Variants in ROGDI observed in about 807,000 individuals in gnomAD.
ROGDI encodes protein rogdi homolog.
Under a neutral mutation model 43.1 loss-of-function variants are expected in ROGDI, and 46 were observed. The ratio of observed to expected loss-of-function variants is 1.07; its 90% CI spans 0.84 to 1.37. ROGDI has a LOEUF of 1.37. Ranked by LOEUF, ROGDI falls within the 40% of genes most tolerant of loss-of-function variation. ROGDI has a pLI of 0.00. For synonymous variants in ROGDI, 243 were observed against 162.0 expected (o/e 1.50, Z -3.80); for missense variants, 518 against 383.9 (o/e 1.35, Z -2.92).
In ROGDI at chr16:4,797,016, G is replaced by A. The variant is rs1248536542; in HGVS notation, c.*444C>T. The A allele has an allele frequency of 6.1e-6, 1 of 164,194 alleles. No homozygotes were observed. The allele number at this position is 164,194 out of a possible 1,614,324, so 10.2% of individuals were successfully genotyped here. ...TTAGACAGCCCTGGACTGGGGCTAT[G>A]AAACACAGTCACCAGCACTATACTC... is the stretch of plus-strand genomic sequence containing the variant. On this transcript the variant is annotated 3_prime_UTR_variant, in exon 11 of 11. Coordinates refer to ENST00000322048, the MANE Select transcript of ROGDI (RefSeq NM_024589.3).
chr16:4,798,291 C>T, intron 7 of ROGDI, 107 bp from the exon 8 acceptor site: 3 of 920,872 alleles, frequency 3.3e-6, no homozygotes, highest in Admixed American at 2.0e-5. Context: ...CAGTCCCCAC[C>T]CCAGAGATGC....
rs146812127 is a variant in ROGDI, at chr16:4,797,750, G to C, written c.786C>G (p.Thr262=). Residue 262 remains threonine, a synonymous_variant, in exon 10 of 11, where the codon ACC becomes ACG. Transcript: ENST00000322048. ...GCTGCTGGCAGAGCTGCAGGGAGACGGTGAAGTAGACCAGGGCGTCGTTGA... is the reference window on the plus strand; with the variant it reads ...GCTGCTGGCAGAGCTGCAGGGAGACCGTGAAGTAGACCAGGGCGTCGTTGA... The part of the protein sequence containing the change: ...PWLNDALVYF[T]VSLQLCQQLK... 34 of 1,525,846 alleles carry C rather than the reference G, an allele frequency of 2.2e-5. 1 individual carries two copies. The highest frequency in any genetic ancestry group is 2.4e-5 in the Non-Finnish European group (27 of 1,134,106). 94.5% of individuals were successfully genotyped at this position (1,525,846 alleles called of 1,614,324 possible).
intron 6 of ROGDI, among the ~76,000 whole-genome samples, chr16:4,799,290 T>C (rs2082690282): frequency 6.6e-6 from 1 of 152,006 alleles, no homozygotes; most frequent in African/African-American, 2.4e-5. Context: ...GATCTTAGTC[T>C]ATCTGGTTCT....
chr16:4,797,508 G>A lies in ROGDI; in HGVS notation c.823-7C>T. The stretch of plus-strand genomic sequence containing the variant: ...AGCTGGAGAACACGGAGATCTGCAA[G>A]GGGAGAGGGTGCTGTAGGTTGCTGA... On this transcript the variant is annotated splice_region_variant and splice_polypyrimidine_tract_variant and intron_variant, in intron 10 of 10. Coordinates refer to ENST00000322048, the MANE Select transcript of ROGDI (RefSeq NM_024589.3). 6.4e-7 allele frequency: 1 copy of A among 1,558,304 alleles called. No individual in the cohort carries two copies. Among genetic ancestry groups the A allele is most frequent in the East Asian group, 2.3e-5 (1 of 42,730 alleles).
rs1284987084 is a variant in ROGDI, at chr16:4,797,946, C to T, written c.687G>A (p.Gly229=). ...CGCCCCTGCCTACTTACAACATGGCCCCAGGGCTATGCAGCACCGCGCCCC... is the reference window on the plus strand; with the variant it reads ...CGCCCCTGCCTACTTACAACATGGCTCCAGGGCTATGCAGCACCGCGCCCC... The part of the protein sequence containing the change: ...PAGGAVLHSP[G]AMFEWGSQRL... The change falls in exon 9 of 11, where the codon GGG becomes GGA. Residue 229 remains glycine (G), a synonymous_variant. Transcript: ENST00000322048. 1 of 1,603,108 alleles carries T rather than the reference C, an allele frequency of 6.2e-7. No individual in the cohort carries two copies. Among genetic ancestry groups the T allele is most frequent in the Admixed American group, 1.7e-5 (1 of 59,620 alleles).
rs888959454 is a variant in ROGDI at position 4,797,246 on chromosome 16, G to A, written c.*214C>T. ...GGGAATGTGGGACACCCTTGGCCCC[G>A]CCTCCCTGACCTCCCCACTACCCCA... On this transcript the variant is annotated 3_prime_UTR_variant, in exon 11 of 11. Transcript: ENST00000322048. 2.9e-5 allele frequency: 16 copies of A among 547,638 alleles called. No homozygotes were observed. The highest frequency in any genetic ancestry group is 2.1e-4 in the African/African-American group (11 of 52,586). 33.9% of individuals were successfully genotyped at this position (547,638 alleles called of 1,614,324 possible).
chr16:4,802,201 C>T, intron 2 of ROGDI, 181 bp downstream of exon 2: 2 of 671,794 alleles, frequency 3.0e-6, no homozygotes, highest in Middle Eastern at 2.5e-4. Context: ...CCCGCCCCTG[C>T]CCGCACACAG....
chr16:4,797,738 C>A lies in ROGDI; in HGVS notation c.798G>T (p.Gln266His), dbSNP rs1157020326. 1 of 1,409,664 alleles carries A rather than the reference C, an allele frequency of 7.1e-7. No homozygotes were observed. Among genetic ancestry groups the A allele is most frequent in the Non-Finnish European group, 9.4e-7 (1 of 1,068,110 alleles). 87.3% of individuals were successfully genotyped at this position (1,409,664 alleles called of 1,614,324 possible). Residue 266 changes from glutamine (Q) to histidine (H), a missense_variant, in exon 10 of 11, where the codon CAG becomes CAT. Gln to His is a conservative substitution (Grantham distance 24, BLOSUM62 0). Transcript: ENST00000322048. ...DALVYFTVSL[Q>H]LCQQLKDKIS... Reference sequence around the variant, plus strand: ...CCTTGTCCTTGAGCTGCTGGCAGAGCTGCAGGGAGACGGTGAAGTAGACCA... The same window carrying A: ...CCTTGTCCTTGAGCTGCTGGCAGAGATGCAGGGAGACGGTGAAGTAGACCA...
Position 4,797,741 on chromosome 16 carries a change from C to T in ROGDI, c.795G>A (p.Leu265=), listed in dbSNP as rs749782882. The T allele has an allele frequency of 2.6e-5, 42 of 1,614,056 alleles. No individual in the cohort carries two copies. The highest frequency in any genetic ancestry group is 1.6e-4 in the Middle Eastern group (1 of 6,062). The change falls in exon 10 of 11, where the codon CTG becomes CTA. Residue 265 remains leucine, a synonymous_variant. Coordinates refer to ENST00000322048, the MANE Select transcript of ROGDI (RefSeq NM_024589.3). ...TGTCCTTGAGCTGCTGGCAGAGCTG[C>T]AGGGAGACGGTGAAGTAGACCAGGG... is the stretch of plus-strand genomic sequence containing the variant. ...NDALVYFTVS[L]QLCQQLKDKI...
In ROGDI at chr16:4,798,183, C is replaced by T. The variant is rs751703075; in HGVS notation, c.533G>A (p.Arg178Gln). ...LPEIAASGLT[R>Q]MFAPALPSDL... Reference sequence around the variant, plus strand: ...GGACGGCAGGGCAGGGGCGAACATCCGCTGCGGGAGGCAGGTGGGATGAGG... The same window carrying T: ...GGACGGCAGGGCAGGGGCGAACATCTGCTGCGGGAGGCAGGTGGGATGAGG... Residue 178 changes from arginine (R) to glutamine (Q), a missense_variant and splice_region_variant, in exon 8 of 11, where the codon CGG becomes CAG. Physicochemically the swap from Arg to Gln is conservative, Grantham distance 43. Transcript: ENST00000322048. The T allele has an allele frequency of 9.9e-6, 16 of 1,612,654 alleles. No individual in the cohort carries two copies. The highest frequency in any genetic ancestry group is 3.3e-5 in the South Asian group (3 of 90,974).
At chr16:4,799,805 G>T in intron 5 of ROGDI, 24 bp from the exon 6 acceptor site, 1 of 1,565,378 alleles carries the variant, frequency 6.4e-7, no homozygotes, top group Non-Finnish European at 8.8e-7. Flanking sequence ...TCATCCAGAG[G>T]GGTCACGCCA....
chr16:4,802,212 G>A (rs369099827), intron 2 of ROGDI, 170 bp downstream of exon 2: 25 of 683,702 alleles, frequency 3.7e-5, no homozygotes, highest in East Asian at 1.4e-4. Flanking sequence ...CCGCACACAG[G>A]TACTTATATA....
At chr16:4,801,219 G>C in intron 4 of ROGDI, 48 bp downstream of exon 4, 17 of 1,500,444 alleles carry the variant, frequency 1.1e-5, no homozygotes, top group Non-Finnish European at 1.5e-5. Context: ...GAGCTCCCAT[G>C]CTCTTCCCCA....
In ROGDI at chr16:4,797,836, A is replaced by G. The variant is rs1252887236; in HGVS notation, c.700T>C (p.Trp234Arg). 6.2e-7 allele frequency: 1 copy of G among 1,610,948 alleles called. No individual in the cohort carries two copies. The highest frequency in any genetic ancestry group is 8.5e-7 in the Non-Finnish European group (1 of 1,179,816). Residue 234 changes from tryptophan (W) to arginine (R), a missense_variant, in exon 10 of 11, where the codon TGG (tryptophan) becomes CGG (arginine). Trp to Arg is a moderately radical substitution (Grantham distance 101, BLOSUM62 -3). Transcript: ENST00000322048. ...VLHSPGAMFE[W>R]GSQRLEVSHV... ...CTCACCTCCAGGCGCTGAGAGCCCC[A>G]CTCGCTGTGGGCAGTGAGAGGGTCC...
At chr16:4,798,385 G>C in intron 7 of ROGDI, 184 bp downstream of exon 7, 1 of 703,542 alleles carries the variant, frequency 1.4e-6, no homozygotes, top group Non-Finnish European at 2.4e-6. Context: ...CCACTAACCC[G>C]AAACAGGGTT....
chr16:4,798,716 A>G (rs1458190829), intron 6 of ROGDI, 49 bp from the exon 7 acceptor site: 3 of 1,426,402 alleles, frequency 2.1e-6, no homozygotes, highest in Non-Finnish European at 2.9e-6. Context: ...GTCCCCATGC[A>G]TTAAGGAACA....
In ROGDI at chr16:4,797,314, C is replaced by A. The variant is rs530258770; in HGVS notation, c.*146G>T. ...CCTCCTGGCACTTCCAGTGTCCATT[C>A]CCGGCAGTGCAAATGTGTTAGGTGG... On this transcript the variant is annotated 3_prime_UTR_variant, in exon 11 of 11. Transcript: ENST00000322048. The A allele has an allele frequency of 6.4e-5, 46 of 719,764 alleles. No individual in the cohort carries two copies. The African/African-American group carries it at 7.1e-4, about 11-fold the overall frequency. 44.6% of individuals were successfully genotyped at this position (719,764 alleles called of 1,614,324 possible).
At position 4,802,608 on chromosome 16, in the gene ROGDI, C is replaced by T. The variant is rs1743681196; in HGVS notation, c.-37G>A. ...GCCGCCGAGCGCCCTCCCCACCGGC[C>T]GCTGCTCCTGTCCACCAATCTTTCT... On this transcript the variant is annotated 5_prime_UTR_variant, in exon 1 of 11. Transcript: ENST00000322048. 1.5e-6 allele frequency: 2 copies of T among 1,297,966 alleles called. No individual in the cohort carries two copies. Among genetic ancestry groups the T allele is most frequent in the Admixed American group, 3.2e-5 (1 of 31,426 alleles). 80.4% of individuals were successfully genotyped at this position (1,297,966 alleles called of 1,614,324 possible). A position where few individuals can be genotyped will look rare whatever the true frequency, so the allele number is the denominator to read the frequency against.
At chr16:4,802,193 C>T (rs1298731509) in intron 2 of ROGDI, 189 bp downstream of exon 2, 6 of 662,006 alleles carry the variant, frequency 9.1e-6, no homozygotes, top group Non-Finnish European at 1.6e-5. Flanking sequence ...CGTCGGGACC[C>T]GCCCCTGCCC....
Sources: gnomAD v4.1 joint callset for allele counts (sites outside exome capture counted in the v4.1 genomes callset) on GRCh38, gnomAD v4.1.1 for gene constraint, MANE v1.5 for transcripts, NCBI Gene and HGNC (gene_info 2026-07-23, HGNC 2026-07-21) for gene names.